PHACTR1: variants seen among roughly 807,000 people sequenced by gnomAD.
PHACTR1 encodes RPEL repeat containing 1.
Under a neutral mutation model 69.2 loss-of-function variants are expected in PHACTR1, and 16 were observed. The observed-to-expected ratio is 0.23, with a 90% CI of 0.16 to 0.35. The LOEUF (loss-of-function observed/expected upper bound fraction) is 0.35. Among genes scored for constraint, PHACTR1 ranks in the 10% least tolerant of loss-of-function variants. The pLI, the probability that PHACTR1 is intolerant of heterozygous loss-of-function variation, is 1.00. For synonymous variants in PHACTR1, 312 were observed against 284.5 expected, an observed-to-expected ratio of 1.10 and a Z score of -0.97; for missense variants, 510 against 734.7, an observed-to-expected ratio of 0.69 and a Z score of 3.54.
intron 5 of PHACTR1, among the ~76,000 whole-genome samples, chr6:13,151,870 T>C (rs1239128934): frequency 6.6e-6 from 1 of 152,150 alleles, no homozygotes; most frequent in African/African-American, 2.4e-5. Context: ...TTTCTCTTGA[T>C]TTCTTGAGTT....
intron 4 of PHACTR1, among the ~76,000 whole-genome samples, chr6:12,796,058 C>G (rs568100609): frequency 3.3e-5 from 5 of 151,896 alleles, no homozygotes; most frequent in African/African-American, 4.8e-5. Flanking sequence ...CCAAAACCAA[C>G]GAAATTGTTT....
chr6:13,251,688 C>T (rs1188087781), intron 10 of PHACTR1, among the ~76,000 whole-genome samples: 1 of 152,198 alleles, frequency 6.6e-6, no homozygotes, highest in Non-Finnish European at 1.5e-5. Context: ...AATTCAGCCT[C>T]TCTTTGAGTC....
At chr6:12,866,875 G>T (rs531325181) in intron 4 of PHACTR1, among the ~76,000 whole-genome samples, 1 of 152,162 alleles carries the variant, frequency 6.6e-6, no homozygotes, top group Non-Finnish European at 1.5e-5. Context: ...CTGTTGAACC[G>T]AAACAAAGCT....
chr6:13,005,326 A>C (rs1004777515), intron 4 of PHACTR1, among the ~76,000 whole-genome samples: 11 of 151,838 alleles, frequency 7.2e-5, no homozygotes, highest in Admixed American at 2.6e-4. Flanking sequence ...ATATGTCTCT[A>C]TATATATATC....
chr6:12,766,051 T>G (rs1768572641), intron 4 of PHACTR1, among the ~76,000 whole-genome samples: 1 of 152,206 alleles, frequency 6.6e-6, no homozygotes, highest in African/African-American at 2.4e-5. Flanking sequence ...ATTTTTTTCT[T>G]TTTGACCTGG....
At chr6:12,843,351 GA>G (rs1325613646) in intron 4 of PHACTR1, among the ~76,000 whole-genome samples, 12 of 152,250 alleles carry the variant, frequency 7.9e-5, no homozygotes, top group Non-Finnish European at 1.8e-4. Context: ...AGCCTAGAAG[GA>G]AAAAAGGAGA....
At chr6:12,930,636 A>C (rs1788765159) in intron 4 of PHACTR1, among the ~76,000 whole-genome samples, 1 of 152,214 alleles carries the variant, frequency 6.6e-6, no homozygotes, top group African/African-American at 2.4e-5. Flanking sequence ...GGAAATAAAC[A>C]TCAACTCAAG....
At position 13,079,966 on chromosome 6, in the gene PHACTR1, T is replaced by C. The variant is rs139135358; in HGVS notation, c.415+26437T>C. ...TTGACAGCCACCGAGCATTCTCTTC[T>C]ACAAATACAGAGAAACGGCGTGTAA... On this transcript the variant is annotated intron_variant, in intron 5 of 14. Coordinates refer to ENST00000332995, the MANE Select transcript of PHACTR1 (RefSeq NM_030948.6). Among the ~76,000 whole-genome samples, 74 of 152,270 alleles carry C rather than the reference T, an allele frequency of 4.9e-4. No individual in the cohort carries two copies. The Middle Eastern group carries it at 0.01, about 21-fold the overall frequency.
At chr6:12,925,258 A>T (rs1265165543) in intron 4 of PHACTR1, among the ~76,000 whole-genome samples, 2 of 152,208 alleles carry the variant, frequency 1.3e-5, no homozygotes, top group Non-Finnish European at 2.9e-5. Context: ...CAACATGGTT[A>T]TGTTGTGATA....
intron 3 of PHACTR1, among the ~76,000 whole-genome samples, chr6:12,741,220 C>G (rs1041742148): frequency 2.0e-5 from 3 of 151,934 alleles, no homozygotes; most frequent in Non-Finnish European, 4.4e-5. Flanking sequence ...AACAGAAGTT[C>G]TTAATTTTAA....
intron 4 of PHACTR1, among the ~76,000 whole-genome samples, chr6:12,902,347 C>T (rs957678678): frequency 2.0e-4 from 31 of 152,146 alleles, no homozygotes; most frequent in African/African-American, 6.3e-4. Flanking sequence ...CACTTGAACT[C>T]GGGAGGCAGA....
rs115579628 is a variant in PHACTR1, at chr6:13,022,362, A to T, written c.251-31003A>T. 3.8e-3 allele frequency among the ~76,000 whole-genome samples: 586 copies of T among 152,326 alleles called. 2 individuals carry two copies. The highest frequency in any genetic ancestry group is 0.014 in the African/African-American group (566 of 41,564). ...TGCTGGAGGTGCCTAAAACCTATCT[A>T]GATCAGGGGTTAGTAAACTATGGCC... On this transcript the variant is annotated intron_variant, in intron 4 of 14. Transcript: ENST00000332995.
chr6:13,080,216 T>C (rs1340483267), intron 5 of PHACTR1, among the ~76,000 whole-genome samples: 1 of 152,140 alleles, frequency 6.6e-6, no homozygotes, highest in Non-Finnish European at 1.5e-5. Context: ...ACAACTATCC[T>C]GACTTAGAAG....
intron 4 of PHACTR1, among the ~76,000 whole-genome samples, chr6:12,803,684 C>T (rs142287857): frequency 1.3e-4 from 20 of 152,314 alleles, no homozygotes; most frequent in African/African-American, 7.2e-5. Flanking sequence ...TAGAGTTTCT[C>T]AACTTTGGCA....
intron 4 of PHACTR1, among the ~76,000 whole-genome samples, chr6:12,867,857 G>C (rs1361110987): frequency 6.6e-6 from 1 of 152,052 alleles, no homozygotes; most frequent in African/African-American, 2.4e-5. Flanking sequence ...TATTGTCTGT[G>C]TGTGGGTAGA....
intron 3 of PHACTR1, among the ~76,000 whole-genome samples, chr6:12,748,247 G>T (rs1223823203): frequency 6.6e-6 from 1 of 152,160 alleles, no homozygotes; most frequent in Non-Finnish European, 1.5e-5. Context: ...TAGTTACTAT[G>T]CACGTGTGAA....
intron 4 of PHACTR1, among the ~76,000 whole-genome samples, chr6:12,794,276 T>C (rs1772698994): frequency 6.6e-6 from 1 of 152,268 alleles, no homozygotes; most frequent in Non-Finnish European, 1.5e-5. Context: ...TATGATACCA[T>C]TTTATAAAGA....
intron 7 of PHACTR1, among the ~76,000 whole-genome samples, chr6:13,198,736 G>A (rs981902103): frequency 3.3e-5 from 5 of 152,156 alleles, no homozygotes; most frequent in Admixed American, 6.5e-5. Context: ...GTCGCATGCA[G>A]GCCGCCGGTT....
intron 7 of PHACTR1, among the ~76,000 whole-genome samples, chr6:13,185,699 A>C (rs1762746696): frequency 6.6e-6 from 1 of 152,366 alleles, no homozygotes; most frequent in African/African-American, 2.4e-5. Flanking sequence ...TGGTATAATC[A>C]GAGATTAAAA....
Sources: gnomAD v4.1 joint callset for allele counts (sites outside exome capture counted in the v4.1 genomes callset) on GRCh38, gnomAD v4.1.1 for gene constraint, MANE v1.5 for transcripts, NCBI Gene and HGNC (gene_info 2026-07-23, HGNC 2026-07-21) for gene names.